Variants in DYNC1I1 observed in about 807,000 individuals in gnomAD.
DYNC1I1 encodes the protein cytoplasmic dynein 1 intermediate chain 1.
In DYNC1I1, 43 loss-of-function variants were observed where a neutral mutation model predicts 86.6. That is an observed-to-expected ratio of 0.50 (90% CI 0.39 to 0.64). The LOEUF (loss-of-function observed/expected upper bound fraction) is 0.64, where lower values mean the gene tolerates loss of function less well. Among genes scored for constraint, DYNC1I1 ranks in the 30% least tolerant of loss-of-function variants. The pLI is 0.00. For synonymous variants in DYNC1I1, 262 were observed against 283.7 expected, an observed-to-expected ratio of 0.92 and a Z score of 0.77; for missense variants, 604 against 788.8, an observed-to-expected ratio of 0.77 and a Z score of 2.81.
At chr7:95,910,247 C>G (rs925193809) in intron 6 of DYNC1I1, among the ~76,000 whole-genome samples, 2 of 152,122 alleles carry the variant, frequency 1.3e-5, no homozygotes, top group African/African-American at 4.8e-5. Context: ...CCTTTCATGT[C>G]ATTCCCAGAG....
At chr7:96,043,538 T>TA (rs57606644) in intron 14 of DYNC1I1, among the ~76,000 whole-genome samples, 2,746 of 143,152 alleles carry the variant, frequency 0.019, 79 homozygotes, top group African/African-American at 0.057. Flanking sequence ...AACAATGTAT[T>TA]AAAAAAAAAA....
intron 10 of DYNC1I1, among the ~76,000 whole-genome samples, chr7:96,012,636 G>A (rs1022008532): frequency 6.6e-6 from 1 of 152,160 alleles, no homozygotes; most frequent in Non-Finnish European, 1.5e-5. Flanking sequence ...GTCTGGGAGT[G>A]TACAATATAT....
intron 5 of DYNC1I1, among the ~76,000 whole-genome samples, chr7:95,835,604 T>C: frequency 6.6e-6 from 1 of 151,926 alleles, no homozygotes; most frequent in Non-Finnish European, 1.5e-5. Flanking sequence ...TGTGTGGGAG[T>C]CTAAGTCTCT....
intron 9 of DYNC1I1, among the ~76,000 whole-genome samples, chr7:95,995,118 G>A (rs185020521): frequency 7.9e-5 from 12 of 152,116 alleles, no homozygotes; most frequent in Non-Finnish European, 1.0e-4. Flanking sequence ...GTGGTGGCCG[G>A]CGCCTGTAGT....
At chr7:96,095,132 G>A (rs1790964207) in intron 16 of DYNC1I1, among the ~76,000 whole-genome samples, 1 of 152,128 alleles carries the variant, frequency 6.6e-6, no homozygotes. Context: ...CTTATGTTTT[G>A]TGTGTTTAAC....
chr7:95,982,778 TA>T (rs1793488404), intron 7 of DYNC1I1, among the ~76,000 whole-genome samples: 1 of 152,150 alleles, frequency 6.6e-6, no homozygotes, highest in Non-Finnish European at 1.5e-5. Flanking sequence ...TTTATTCATT[TA>T]TGTAACAGCA....
chr7:96,097,587 T>C lies in DYNC1I1; in HGVS notation c.1881T>C (p.Ser627=), dbSNP rs1356132782. 1 of 1,613,666 alleles carries C rather than the reference T, an allele frequency of 6.2e-7. No individual in the cohort carries two copies. The highest frequency in any genetic ancestry group is 2.2e-5 in the East Asian group (1 of 44,878). The change falls in exon 17 of 17, where the codon TCT becomes TCC. Residue 627 remains serine (S), a synonymous_variant. Coordinates refer to ENST00000447467, the MANE Select transcript of DYNC1I1 (RefSeq NM_001135556.2). ...DSEEEGTVEL[S]A is the part of the protein sequence containing the mutation. ...AGGAGGAAGGCACTGTTGAGTTATC[T>C]GCCTAGTGGAAATGAGCCACCCCCA...
Position 95,788,598 on chromosome 7 carries a change from G to A in DYNC1I1, c.-10+15825G>A, listed in dbSNP as rs553273579. On this transcript the variant is annotated intron_variant, in intron 1 of 16. Transcript: ENST00000447467. Reference sequence around the variant, plus strand: ...TTGGTCAGGGCGATGTCAGTTGGTCGGGACACCTTTTCGCGGCACACACTG... The same window carrying A: ...TTGGTCAGGGCGATGTCAGTTGGTCAGGACACCTTTTCGCGGCACACACTG... 1.4e-4 allele frequency among the ~76,000 whole-genome samples: 22 copies of A among 152,270 alleles called. 1 individual carries two copies. The South Asian group carries it at 3.7e-3, about 26-fold the overall frequency.
intron 6 of DYNC1I1, among the ~76,000 whole-genome samples, chr7:95,928,909 A>C (rs1791815590): frequency 6.6e-6 from 1 of 152,172 alleles, no homozygotes; most frequent in African/African-American, 2.4e-5. Context: ...GCTTGTTAAG[A>C]GTATTACTAT....
intron 1 of DYNC1I1, among the ~76,000 whole-genome samples, chr7:95,781,291 C>T (rs1394867845): frequency 6.6e-6 from 1 of 152,164 alleles, no homozygotes; most frequent in African/African-American, 2.4e-5. Context: ...TCAAATGCTG[C>T]TGAAAAGTAA....
chr7:95,845,267 TG>T (rs1789395240), intron 5 of DYNC1I1, among the ~76,000 whole-genome samples: 1 of 152,232 alleles, frequency 6.6e-6, no homozygotes, highest in African/African-American at 2.4e-5. Context: ...GAGATCACTC[TG>T]TCAAGAATAG....
intron 1 of DYNC1I1, among the ~76,000 whole-genome samples, chr7:95,791,536 C>A (rs540928053): frequency 6.6e-6 from 1 of 152,150 alleles, no homozygotes; most frequent in Non-Finnish European, 1.5e-5. Context: ...CAGCTCCAAG[C>A]GCAATAGATG....
At chr7:95,785,986 A>C (rs1794135206) in intron 1 of DYNC1I1, among the ~76,000 whole-genome samples, 2 of 152,030 alleles carry the variant, frequency 1.3e-5, no homozygotes, top group East Asian at 1.9e-4. Flanking sequence ...GTGATATGTA[A>C]GAAAAGTGTT....
chr7:95,989,191 A>G (rs780087120), intron 9 of DYNC1I1, among the ~76,000 whole-genome samples: 5 of 152,216 alleles, frequency 3.3e-5, no homozygotes, highest in East Asian at 1.9e-4. Context: ...AGGCAGAGCT[A>G]TAAAATGGTA....
At chr7:95,957,027 G>A (rs1403479680) in intron 6 of DYNC1I1, among the ~76,000 whole-genome samples, 2 of 152,122 alleles carry the variant, frequency 1.3e-5, no homozygotes, top group African/African-American at 4.8e-5. Context: ...ACTTCAGCTT[G>A]GTCAATGGCT....
At chr7:96,108,364 AGGG>A (rs1429626760) in intron 16 of DYNC1I1, among the ~76,000 whole-genome samples, 34 of 152,206 alleles carry the variant, frequency 2.2e-4, no homozygotes, top group African/African-American at 7.9e-4. Context: ...CTTTCTGCAA[AGGG>A]ATATTGTTTT....
chr7:95,925,772 T>G (rs1791729552), intron 6 of DYNC1I1, among the ~76,000 whole-genome samples: 1 of 152,200 alleles, frequency 6.6e-6, no homozygotes, highest in Admixed American at 6.5e-5. Context: ...CCTTCCTTGT[T>G]TCTTTCTTAT....
chr7:96,047,394 T>C (rs980075648), intron 14 of DYNC1I1, among the ~76,000 whole-genome samples: 5 of 152,250 alleles, frequency 3.3e-5, no homozygotes, highest in African/African-American at 1.2e-4. Flanking sequence ...TAATAGAACA[T>C]GAATTGAAGA....
In DYNC1I1 at chr7:95,842,211, A is replaced by T. The variant is rs1789303102; in HGVS notation, c.374+14095A>T. ...GTTAGGGAAACGCCACATTTGAGAC[A>T]AATTAAGAGTCCTTTATTAGCCGTG... On this transcript the variant is annotated intron_variant, in intron 5 of 16. Transcript: ENST00000447467. Among the ~76,000 whole-genome samples the T allele has an allele frequency of 2.0e-5, 3 of 152,178 alleles. No homozygotes were observed. In the South Asian group the frequency reaches 6.2e-4, roughly 32 times the overall value.
Sources: gnomAD v4.1 joint callset for allele counts (sites outside exome capture counted in the v4.1 genomes callset) on GRCh38, gnomAD v4.1.1 for gene constraint, MANE v1.5 for transcripts, NCBI Gene and HGNC (gene_info 2026-07-23, HGNC 2026-07-21) for gene names.